The following PC variants were observed in gnomAD, a reference collection of about 807,000 sequenced individuals.
PC encodes the protein pyruvate carboxylase.
In PC, 46 loss-of-function variants were observed where a neutral mutation model predicts 107.8. The observed-to-expected ratio is 0.43, with a 90% CI of 0.34 to 0.55. PC has a LOEUF of 0.55. PC is among the 20% of genes least tolerant of loss of function. The pLI is 0.04. For synonymous variants in PC, 662 were observed against 684.7 expected (o/e 0.97, Z 0.52); for missense variants, 1,241 against 1,643.1 (o/e 0.76, Z 4.23).
chr11:66,901,426 A>G (rs1393633738), intron 3 of PC, among the ~76,000 whole-genome samples: 1 of 151,906 alleles, frequency 6.6e-6, no homozygotes, highest in East Asian at 1.9e-4. Flanking sequence ...CTGGCATCCC[A>G]GTGTCCACTA....
chr11:66,860,641 G>A, intron 12 of PC: 1 of 701,768 alleles, frequency 1.4e-6, no homozygotes, highest in South Asian at 1.5e-5. Context: ...CAGGGCTGCG[G>A]CCAAGGGCTG....
chr11:66,928,609 T>G (rs1948776386), intron 3 of PC, among the ~76,000 whole-genome samples: 1 of 152,108 alleles, frequency 6.6e-6, no homozygotes, highest in Non-Finnish European at 1.5e-5. Flanking sequence ...CACTGCAACC[T>G]CCGCCTCCCA....
At chr11:66,916,002 C>T (rs951696021) in intron 3 of PC, among the ~76,000 whole-genome samples, 8 of 152,206 alleles carry the variant, frequency 5.3e-5, no homozygotes, top group African/African-American at 1.9e-4. Flanking sequence ...GGTCCTTCCT[C>T]CTCCTTACCC....
intron 12 of PC, chr11:66,859,226 CTT>C (rs1946089913): frequency 8.2e-7 from 1 of 1,223,734 alleles, no homozygotes; most frequent in Non-Finnish European, 1.1e-6. Flanking sequence ...CTGCTGGACT[CTT>C]GGAGGAGCAG....
chr11:66,951,186 T>TCCC (rs931439913), intron 3 of PC, among the ~76,000 whole-genome samples: 4 of 152,044 alleles, frequency 2.6e-5, no homozygotes, highest in Non-Finnish European at 5.9e-5. Context: ...TACCAAGGAA[T>TCCC]CCCCACTCAG....
chr11:66,864,714 T>C (rs1017330713), intron 11 of PC, among the ~76,000 whole-genome samples: 2 of 151,876 alleles, frequency 1.3e-5, no homozygotes, highest in African/African-American at 4.8e-5. Context: ...CAGACGGCAA[T>C]GGGAGGGGCA....
In PC at chr11:66,849,595, C is replaced by T. The variant is rs750356252; in HGVS notation, c.3147+16G>A. On this transcript the variant is annotated intron_variant, in intron 21 of 22. Coordinates refer to ENST00000393960, the MANE Select transcript of PC (RefSeq NM_001040716.2). ...GGGGCCAGGGTGGAGTGTGGAGAAGCGCCAGAGCCACTGACCTCAAACTCC... is the reference window on the plus strand; with the variant it reads ...GGGGCCAGGGTGGAGTGTGGAGAAGTGCCAGAGCCACTGACCTCAAACTCC... 5 of 1,614,016 alleles carry T rather than the reference C, an allele frequency of 3.1e-6. No individual in the cohort carries two copies. Among genetic ancestry groups the T allele is most frequent in the Admixed American group, 1.7e-5 (1 of 60,024 alleles).
At position 66,850,285 on chromosome 11, in the gene PC, A is replaced by G. The variant is rs1286393908; in HGVS notation, c.2653T>C (p.Ser885Pro). Residue 885 changes from serine (S) to proline (P), a missense_variant, in exon 19 of 23, where the codon TCC becomes CCC. By Grantham distance (74) the Ser-to-Pro change is moderately conservative. Around this residue, in one of 2 missense-constraint regions of PC, gnomAD observed 1,143 missense variants for 1,551.9 expected, o/e 0.74. Transcript: ENST00000393960. ...GCCTTCTTGACCTCCTTGAACTTGGAGCCAAGCCCCATGCTGTGGGCCTGG... is the reference window on the plus strand; with the variant it reads ...GCCTTCTTGACCTCCTTGAACTTGGGGCCAAGCCCCATGCTGTGGGCCTGG... ...HFQAHSMGLG[S>P]KFKEVKKAYV... 1 of 1,614,064 alleles carries G rather than the reference A, an allele frequency of 6.2e-7. No individual in the cohort carries two copies. The highest frequency in any genetic ancestry group is 1.3e-5 in the African/African-American group (1 of 75,028).
intron 3 of PC, among the ~76,000 whole-genome samples, chr11:66,884,697 C>A (rs1947300071): frequency 6.6e-6 from 1 of 152,180 alleles, no homozygotes; most frequent in Non-Finnish European, 1.5e-5. Context: ...CTTCCAGCCT[C>A]CATAACTGTG....
Position 66,944,494 on chromosome 11 carries a change from G to A in PC, c.-1+7936C>T, listed in dbSNP as rs1158949032. Among the ~76,000 whole-genome samples the A allele has an allele frequency of 6.2e-5, 7 of 113,478 alleles. 1 individual carries two copies. Among genetic ancestry groups the A allele is most frequent in the African/African-American group, 2.2e-4 (7 of 31,248 alleles). The allele number at this position is 113,478 out of a possible 152,430, so 74.4% of individuals were successfully genotyped here. A position where few individuals can be genotyped will look rare whatever the true frequency, so the allele number is the denominator to read the frequency against. ...CTCAGGAGTCTGAGGCAGGAGAATCGCTTGAACCTGGGAGGCAGGGGTTGC... is the reference window on the plus strand; with the variant it reads ...CTCAGGAGTCTGAGGCAGGAGAATCACTTGAACCTGGGAGGCAGGGGTTGC... On this transcript the variant is annotated intron_variant, in intron 3 of 22. Coordinates refer to ENST00000393960, the MANE Select transcript of PC (RefSeq NM_001040716.2).
chr11:66,855,915 G>C (rs1945781646), intron 12 of PC, among the ~76,000 whole-genome samples: 1 of 152,242 alleles, frequency 6.6e-6, no homozygotes. Context: ...TCCAATCTTG[G>C]GTTTCCCCGA....
chr11:66,880,296 C>T (rs1012621090), intron 3 of PC, among the ~76,000 whole-genome samples: 8 of 152,130 alleles, frequency 5.3e-5, no homozygotes, highest in Non-Finnish European at 7.4e-5. Context: ...TGGAATAAGC[C>T]GACTCTGGGT....
Position 66,849,680 on chromosome 11 carries a change from G to A in PC, c.3078C>T (p.Thr1026=), listed in dbSNP as rs750411329. The change falls in exon 21 of 23, where the codon ACC becomes ACT. Residue 1026 remains threonine, a synonymous_variant. Transcript: ENST00000393960. Reference sequence around the variant, plus strand: ...TATTCAGGCTATCCAGGGGGCCAAAGGTGGCAGTGAAGTCCTTGAAGTGGG... The same window carrying A: ...TATTCAGGCTATCCAGGGGGCCAAAAGTGGCAGTGAAGTCCTTGAAGTGGG... The part of the protein sequence containing the change: ...VFAHFKDFTA[T]FGPLDSLNTR... The A allele has an allele frequency of 4.3e-6, 7 of 1,614,208 alleles. No individual in the cohort carries two copies. Among genetic ancestry groups the A allele is most frequent in the African/African-American group, 1.3e-5 (1 of 75,054 alleles).
chr11:66,871,134 G>C lies in PC; in HGVS notation c.551C>G (p.Ser184Cys), dbSNP rs1946714341. ...ITSLHEAHEFSNTYGFPIIFK... is the reference protein window; with the variant it reads ...ITSLHEAHEFCNTYGFPIIFK... ...GATGATGGGGAAGCCGTAGGTGTTG[G>C]AGAACTCGTGGGCCTCATGCAGGGA... Residue 184 changes from serine to cysteine, a missense_variant, in exon 7 of 23, where the codon TCC becomes TGC. By Grantham distance (112) the Ser-to-Cys change is moderately radical. This residue lies in a region of PC where 1,143 missense variants were observed against 1,551.9 expected (regional missense o/e 0.74). Transcript: ENST00000393960. The surrounding 1 kb of genome is among the most constrained non-coding windows in gnomAD (Gnocchi z 7.4). The C allele has an allele frequency of 1.2e-6, 2 of 1,613,950 alleles. No individual in the cohort carries two copies. Among genetic ancestry groups the C allele is most frequent in the Admixed American group, 1.7e-5 (1 of 59,992 alleles).
At chr11:66,889,919 T>TG (rs983275141) in intron 3 of PC, among the ~76,000 whole-genome samples, 1 of 145,250 alleles carries the variant, frequency 6.9e-6, no homozygotes, top group Non-Finnish European at 1.5e-5. Context: ...CATTTTAACT[T>TG]GTTTTACCCA....
chr11:66,848,708 G>T lies in PC; in HGVS notation c.*191C>A. The stretch of plus-strand genomic sequence containing the variant: ...GCAAGAGATGAACATGTAAGCAGCT[G>T]TCCGCCGGAGGAAAGGACGATGGCT... On this transcript the variant is annotated 3_prime_UTR_variant, in exon 23 of 23. Coordinates refer to ENST00000393960, the MANE Select transcript of PC (RefSeq NM_001040716.2). 1.5e-6 allele frequency: 1 copy of T among 679,872 alleles called. No homozygotes were observed. The highest frequency in any genetic ancestry group is 1.7e-5 in the South Asian group (1 of 57,296). 42.1% of individuals were successfully genotyped at this position (679,872 alleles called of 1,614,324 possible). A position where few individuals can be genotyped will look rare whatever the true frequency, so the allele number is the denominator to read the frequency against.
chr11:66,852,664 G>C lies in PC; in HGVS notation c.1604-4C>G. On this transcript the variant is annotated splice_polypyrimidine_tract_variant and splice_region_variant and intron_variant, in intron 14 of 22. Transcript: ENST00000393960. The surrounding 1 kb of genome is among the most constrained non-coding windows in gnomAD (Gnocchi z 4.7). Reference sequence around the variant, plus strand: ...CTGAAACCAGCCGGGGGCGGGCCTAGGGTAGACAGGGGCATTGGTGCCCAT... The same window carrying C: ...CTGAAACCAGCCGGGGGCGGGCCTACGGTAGACAGGGGCATTGGTGCCCAT... The C allele has an allele frequency of 6.2e-7, 1 of 1,613,418 alleles. No homozygotes were observed.
intron 1 of PC, among the ~76,000 whole-genome samples, chr11:66,957,460 A>T (rs1949591851): frequency 6.6e-6 from 1 of 152,220 alleles, no homozygotes; most frequent in Non-Finnish European, 1.5e-5. Context: ...CTACCAAAAA[A>T]TACAAAAATT....
At position 66,871,945 on chromosome 11, in the gene PC, C is replaced by A. The variant is rs1010293254; in HGVS notation, c.137-74G>T. The stretch of plus-strand genomic sequence containing the variant: ...CAGAAAGGGGAGTGGGAAGCCAGGG[C>A]CTGGGGCAGTGAGTGGGAGAAGAAT... On this transcript the variant is annotated intron_variant, in intron 4 of 22. Transcript: ENST00000393960. The surrounding 1 kb of genome is among the most constrained non-coding windows in gnomAD (Gnocchi z 7.4). The A allele has an allele frequency of 1.9e-6, 3 of 1,571,126 alleles. No homozygotes were observed. The highest frequency in any genetic ancestry group is 2.6e-6 in the Non-Finnish European group (3 of 1,158,956).
Sources: allele counts gnomAD v4.1 joint callset (sites outside exome capture counted in the v4.1 genomes callset), GRCh38; gene constraint gnomAD v4.1.1; regional missense constraint gnomAD v4.1.1; non-coding constraint Gnocchi (gnomAD v3.1); transcripts MANE v1.5; gene names NCBI Gene and HGNC (gene_info 2026-07-23, HGNC 2026-07-21).